TMEM215: variants seen among roughly 807,000 people sequenced by gnomAD.
The protein encoded by TMEM215 is transmembrane protein 215.
A neutral mutation model predicts 14.7 loss-of-function variants in TMEM215; 12 were observed. That is an observed-to-expected ratio of 0.82 (90% CI 0.52 to 1.33). TMEM215 has a LOEUF of 1.33. Among genes scored for constraint, TMEM215 ranks in the 40% most tolerant of loss-of-function variants. The pLI, the probability that TMEM215 is intolerant of heterozygous loss-of-function variation, is 0.00. For missense variants in TMEM215, 276 were observed against 296.2 expected, an observed-to-expected ratio of 0.93 and a Z score of 0.50; for synonymous variants, 122 against 124.8, an observed-to-expected ratio of 0.98 and a Z score of 0.15.
In TMEM215 at chr9:32,787,577, C is replaced by CA. The variant is rs886482842; in HGVS notation, c.*2693dup. ...TCCAAAGTCAAAAAATATATATACACAAAAAAAGGGGAAAAGCCACATTTT... is the reference window on the plus strand; with the variant it reads ...TCCAAAGTCAAAAAATATATATACACAAAAAAAAGGGGAAAAGCCACATTTT... On this transcript the variant is annotated 3_prime_UTR_variant, in exon 2 of 2. Transcript: ENST00000342743. 6.6e-6 allele frequency among the ~76,000 whole-genome samples: 1 copy of CA among 150,756 alleles called. No individual in the cohort carries two copies. Among genetic ancestry groups the CA allele is most frequent in the Non-Finnish European group, 1.5e-5 (1 of 67,620 alleles).
In TMEM215 at chr9:32,784,798, CG is replaced by C; in HGVS notation, c.616del (p.Val206PhefsTer40). ...TCTTTGTGCCCCAGGACAGTATCAT[CG>C]TTTGCTCCTACAAGCAGAACAGCCC... ...IFFVPQDSII[V>X]CSYKQNSPYD... On this transcript the variant is annotated frameshift_variant, in exon 2 of 2. Transcript: ENST00000342743. LOFTEE classifies it high-confidence loss of function. The C allele has an allele frequency of 6.2e-7, 1 of 1,613,674 alleles. No individual in the cohort carries two copies. Among genetic ancestry groups the C allele is most frequent in the Non-Finnish European group, 8.5e-7 (1 of 1,180,030 alleles).
In TMEM215 at chr9:32,787,389, T is replaced by C. The variant is rs181869739; in HGVS notation, c.*2498T>C. On this transcript the variant is annotated 3_prime_UTR_variant, in exon 2 of 2. Transcript: ENST00000342743. ...TATTTTCCTGTGCTAAAATAAAGGTTTGCAAATGTTGGTGTGAGAGGTTTT... is the reference window on the plus strand; with the variant it reads ...TATTTTCCTGTGCTAAAATAAAGGTCTGCAAATGTTGGTGTGAGAGGTTTT... 1.2e-5 allele frequency: 2 copies of C among 167,064 alleles called. No homozygotes were observed. Among genetic ancestry groups the C allele is most frequent in the East Asian group, 3.9e-4 (2 of 5,190 alleles). 10.3% of individuals were successfully genotyped at this position (167,064 alleles called of 1,614,324 possible).
chr9:32,784,607 G>A lies in TMEM215; in HGVS notation c.424G>A (p.Glu142Lys), dbSNP rs759823698. The A allele has an allele frequency of 7.1e-5, 115 of 1,613,540 alleles. No individual in the cohort carries two copies. Among genetic ancestry groups the A allele is most frequent in the Non-Finnish European group, 9.2e-5 (109 of 1,179,908 alleles). The change falls in exon 2 of 2, where the codon GAG becomes AAG. Residue 142 changes from glutamate to lysine, a missense_variant. Glu to Lys is a moderately conservative substitution (Grantham distance 56). Transcript: ENST00000342743. ...CTCCATCAACAGCCCCACACCCACG[G>A]AGGAAGGAGAATGCCAGAGCCTCGT... ...ASSINSPTPT[E>K]EGECQSLVQN...
rs1216362705 is a variant in TMEM215 at position 32,785,863 on chromosome 9, G to GT, written c.*973dup. The GT allele has an allele frequency of 6.0e-6, 1 of 166,770 alleles. No individual in the cohort carries two copies. Among genetic ancestry groups the GT allele is most frequent in the Non-Finnish European group, 1.5e-5 (1 of 68,092 alleles). The allele number at this position is 166,770 out of a possible 1,614,324, so 10.3% of individuals were successfully genotyped here. A position where few individuals can be genotyped will look rare whatever the true frequency, so the allele number is the denominator to read the frequency against. On this transcript the variant is annotated 3_prime_UTR_variant, in exon 2 of 2. Transcript: ENST00000342743. ...TAGCCTTGAACATTGCACATAATTT[G>GT]TATGAAATGCAATGGTTAAACCTTT... is the stretch of plus-strand genomic sequence containing the variant.
In TMEM215 at chr9:32,784,614, G is replaced by A. The variant is rs1824483292; in HGVS notation, c.431G>A (p.Gly144Glu). ...AACAGCCCCACACCCACGGAGGAAGGAGAATGCCAGAGCCTCGTCCAGAAT... is the reference window on the plus strand; with the variant it reads ...AACAGCCCCACACCCACGGAGGAAGAAGAATGCCAGAGCCTCGTCCAGAAT... ...SINSPTPTEE[G>E]ECQSLVQNGH... The change falls in exon 2 of 2, where the codon GGA becomes GAA. Residue 144 changes from glycine (G) to glutamate (E), a missense_variant. Transcript: ENST00000342743. 6.2e-6 allele frequency: 10 copies of A among 1,613,534 alleles called. No homozygotes were observed. The Admixed American group carries it at 1.7e-4, about 27-fold the overall frequency.
In TMEM215 at chr9:32,787,683, T is replaced by C. The variant is rs1322610281; in HGVS notation, c.*2792T>C. Among the ~76,000 whole-genome samples, 1 of 152,118 alleles carries C rather than the reference T, an allele frequency of 6.6e-6. No individual in the cohort carries two copies. Among genetic ancestry groups the C allele is most frequent in the African/African-American group, 2.4e-5 (1 of 41,432 alleles). On this transcript the variant is annotated 3_prime_UTR_variant, in exon 2 of 2. Transcript: ENST00000342743. ...AAGAGAGCAACTCATTCTGATGAGT[T>C]ACACAGTTTTAGCAAATTGTTCTTA...
rs1359490461 is a variant in TMEM215, at chr9:32,784,355, G to T, written c.172G>T (p.Ala58Ser). Residue 58 changes from alanine to serine, a missense_variant, in exon 2 of 2, where the codon GCC becomes TCC. Physicochemically the swap from Ala to Ser is moderately conservative, Grantham distance 99. Transcript: ENST00000342743. The part of the protein sequence containing the change: ...AICLPGIAAI[A>S]LARKTEGCTK... Reference sequence around the variant, plus strand: ...CTGCCTACCAGGCATCGCAGCCATTGCCCTGGCCAGGAAAACCGAGGGATG... The same window carrying T: ...CTGCCTACCAGGCATCGCAGCCATTTCCCTGGCCAGGAAAACCGAGGGATG... 6.2e-7 allele frequency: 1 copy of T among 1,614,238 alleles called. No homozygotes were observed. Among genetic ancestry groups the T allele is most frequent in the Non-Finnish European group, 8.5e-7 (1 of 1,180,046 alleles).
chr9:32,787,349 A>G lies in TMEM215; in HGVS notation c.*2458A>G, dbSNP rs1297780822. The G allele has an allele frequency of 6.0e-6, 1 of 166,964 alleles. No individual in the cohort carries two copies. Among genetic ancestry groups the G allele is most frequent in the African/African-American group, 2.4e-5 (1 of 41,450 alleles). 10.3% of individuals were successfully genotyped at this position (166,964 alleles called of 1,614,324 possible). On this transcript the variant is annotated 3_prime_UTR_variant, in exon 2 of 2. Transcript: ENST00000342743. Reference sequence around the variant, plus strand: ...CTTAAGATACTTAAGGTATTTAAGTATGCATTTGAGGAAATATTTTCCTGT... The same window carrying G: ...CTTAAGATACTTAAGGTATTTAAGTGTGCATTTGAGGAAATATTTTCCTGT...
Position 32,784,609 on chromosome 9 carries a change from G to A in TMEM215, c.426G>A (p.Glu142=), listed in dbSNP as rs775598573. 30 of 1,613,696 alleles carry A rather than the reference G, an allele frequency of 1.9e-5. No homozygotes were observed. Among genetic ancestry groups the A allele is most frequent in the Non-Finnish European group, 2.5e-5 (30 of 1,179,910 alleles). The change falls in exon 2 of 2, where the codon GAG becomes GAA. Residue 142 remains glutamate, a synonymous_variant. Coordinates refer to ENST00000342743, the MANE Select transcript of TMEM215 (RefSeq NM_212558.3). The part of the protein sequence containing the change: ...ASSINSPTPT[E]EGECQSLVQN... ...CCATCAACAGCCCCACACCCACGGAGGAAGGAGAATGCCAGAGCCTCGTCC... is the reference window on the plus strand; with the variant it reads ...CCATCAACAGCCCCACACCCACGGAAGAAGGAGAATGCCAGAGCCTCGTCC...
In TMEM215 at chr9:32,784,309, CCTGGCCATCGGG is replaced by C; in HGVS notation, c.128_139del (p.Leu43_Gly46del). The stretch of plus-strand genomic sequence containing the variant: ...GGGAGACTTTGGGAAACATCCCCCT[CCTGGCCATCGGG>C]CCAGCCATCTGCCTACCAGGCATCG... On this transcript the variant is annotated inframe_deletion, in exon 2 of 2. Transcript: ENST00000342743. 6.2e-7 allele frequency: 1 copy of C among 1,614,224 alleles called. No homozygotes were observed. The highest frequency in any genetic ancestry group is 8.5e-7 in the Non-Finnish European group (1 of 1,180,038).
rs148103023 is a variant in TMEM215 at position 32,784,748 on chromosome 9, T to C, written c.565T>C (p.Cys189Arg). Residue 189 changes from cysteine (C) to arginine (R), a missense_variant, in exon 2 of 2, where the codon TGC (cysteine) becomes CGC (arginine). Physicochemically the swap from Cys to Arg is radical, Grantham distance 180. Transcript: ENST00000342743. ...VKCSARDRSE[C>R]PEPEDSIFFV... ...GTGCTCAGCAAGGGACAGATCTGAG[T>C]GCCCTGAGCCTGAGGATAGCATCTT... 1 of 1,613,966 alleles carries C rather than the reference T, an allele frequency of 6.2e-7. No individual in the cohort carries two copies. Among genetic ancestry groups the C allele is most frequent in the East Asian group, 2.2e-5 (1 of 44,856 alleles).
chr9:32,784,551 C>A lies in TMEM215; in HGVS notation c.368C>A (p.Pro123Gln), dbSNP rs576066824. 32 of 1,613,732 alleles carry A rather than the reference C, an allele frequency of 2.0e-5. No individual in the cohort carries two copies. Among genetic ancestry groups the A allele is most frequent in the South Asian group, 1.9e-4 (17 of 91,082 alleles). Residue 123 changes from proline (P) to glutamine (Q), a missense_variant, in exon 2 of 2, where the codon CCA becomes CAA. By Grantham distance (76) the Pro-to-Gln change is moderately conservative. Coordinates refer to ENST00000342743, the MANE Select transcript of TMEM215 (RefSeq NM_212558.3). ...KKAGLRGKPPPQSQGEVSVAS... is the reference protein window; with the variant it reads ...KKAGLRGKPPQQSQGEVSVAS... ...GCGGGCCTCAGGGGGAAGCCTCCCC[C>A]ACAAAGCCAGGGTGAGGTGTCCGTG...
In TMEM215 at chr9:32,784,918, G is replaced by A. The variant is rs756462443; in HGVS notation, c.*27G>A. The A allele has an allele frequency of 2.8e-5, 44 of 1,579,712 alleles. No homozygotes were observed. The highest frequency in any genetic ancestry group is 3.6e-5 in the Non-Finnish European group (42 of 1,155,768). ...CTCTGCCTACAAAGGTGGCTGGATTGATAGAATATGACTAAGCCCAGCTCC... is the reference window on the plus strand; with the variant it reads ...CTCTGCCTACAAAGGTGGCTGGATTAATAGAATATGACTAAGCCCAGCTCC... On this transcript the variant is annotated 3_prime_UTR_variant, in exon 2 of 2. Coordinates refer to ENST00000342743, the MANE Select transcript of TMEM215 (RefSeq NM_212558.3).
Position 32,785,059 on chromosome 9 carries a change from G to A in TMEM215, c.*168G>A, listed in dbSNP as rs988320743. 3 of 636,896 alleles carry A rather than the reference G, an allele frequency of 4.7e-6. No individual in the cohort carries two copies. Among genetic ancestry groups the A allele is most frequent in the Non-Finnish European group, 5.6e-6 (2 of 358,764 alleles). 39.5% of individuals were successfully genotyped at this position (636,896 alleles called of 1,614,324 possible). On this transcript the variant is annotated 3_prime_UTR_variant, in exon 2 of 2. Transcript: ENST00000342743. Reference sequence around the variant, plus strand: ...GAGTCATGTAAATAGGCATGTTGGGGACACATTTTAGGGAAGGGCGATGAG... The same window carrying A: ...GAGTCATGTAAATAGGCATGTTGGGAACACATTTTAGGGAAGGGCGATGAG...
rs1329160436 is a variant in TMEM215 at position 32,786,403 on chromosome 9, A to T, written c.*1512A>T. The T allele has an allele frequency of 3.0e-5, 5 of 167,066 alleles. No homozygotes were observed. Among genetic ancestry groups the T allele is most frequent in the South Asian group, 2.1e-4 (1 of 4,828 alleles). 10.3% of individuals were successfully genotyped at this position (167,066 alleles called of 1,614,324 possible). On this transcript the variant is annotated 3_prime_UTR_variant, in exon 2 of 2. Transcript: ENST00000342743. ...CTGTCTTAAGAATCATGGTATTTTT[A>T]AAAAATCATAATTTTCAAGTCAAGT... is the stretch of plus-strand genomic sequence containing the variant.
Position 32,784,607 on chromosome 9 carries a change from G to C in TMEM215, c.424G>C (p.Glu142Gln). The C allele has an allele frequency of 6.2e-7, 1 of 1,613,658 alleles. No homozygotes were observed. Residue 142 changes from glutamate to glutamine, a missense_variant, in exon 2 of 2, where the codon GAG (glutamate) becomes CAG (glutamine). Coordinates refer to ENST00000342743, the MANE Select transcript of TMEM215 (RefSeq NM_212558.3). Reference sequence around the variant, plus strand: ...CTCCATCAACAGCCCCACACCCACGGAGGAAGGAGAATGCCAGAGCCTCGT... The same window carrying C: ...CTCCATCAACAGCCCCACACCCACGCAGGAAGGAGAATGCCAGAGCCTCGT... ...ASSINSPTPT[E>Q]EGECQSLVQN...
Position 32,787,819 on chromosome 9 carries a change from G to A in TMEM215, c.*2928G>A, listed in dbSNP as rs144821658. ...TGCTGTTAATCCAAGTAGACATTGC[G>A]ACTTGATTCTGAATAGGCATTTTAT... On this transcript the variant is annotated 3_prime_UTR_variant, in exon 2 of 2. Transcript: ENST00000342743. 2.6e-5 allele frequency among the ~76,000 whole-genome samples: 4 copies of A among 152,148 alleles called. No homozygotes were observed. The highest frequency in any genetic ancestry group is 2.6e-4 in the Admixed American group (4 of 15,290).
At position 32,785,671 on chromosome 9, in the gene TMEM215, C is replaced by G. The variant is rs1824499164; in HGVS notation, c.*780C>G. 1 of 166,538 alleles carries G rather than the reference C, an allele frequency of 6.0e-6. No homozygotes were observed. The highest frequency in any genetic ancestry group is 1.5e-5 in the Non-Finnish European group (1 of 68,100). 10.3% of individuals were successfully genotyped at this position (166,538 alleles called of 1,614,324 possible). The stretch of plus-strand genomic sequence containing the variant: ...TATCATTCATGTATTATTTCCTTAC[C>G]AGGTGCAACATTATTTGAAATGATA... On this transcript the variant is annotated 3_prime_UTR_variant, in exon 2 of 2. Coordinates refer to ENST00000342743, the MANE Select transcript of TMEM215 (RefSeq NM_212558.3).
chr9:32,788,007 G>C lies in TMEM215; in HGVS notation c.*3116G>C, dbSNP rs946056459. Among the ~76,000 whole-genome samples the C allele has an allele frequency of 2.0e-5, 3 of 152,096 alleles. No individual in the cohort carries two copies. Among genetic ancestry groups the C allele is most frequent in the African/African-American group, 7.2e-5 (3 of 41,416 alleles). On this transcript the variant is annotated 3_prime_UTR_variant, in exon 2 of 2. Transcript: ENST00000342743. ...GTTTTAAGATTTATTTTCTGTTGCAGTCATCTTGGCAAACAAAATCCAGAT... is the reference window on the plus strand; with the variant it reads ...GTTTTAAGATTTATTTTCTGTTGCACTCATCTTGGCAAACAAAATCCAGAT...
Sources: allele counts gnomAD v4.1 joint callset (sites outside exome capture counted in the v4.1 genomes callset), GRCh38; gene constraint gnomAD v4.1.1; transcripts MANE v1.5; gene names NCBI Gene and HGNC (gene_info 2026-07-23, HGNC 2026-07-21).